Variants in TAOK3 observed in about 807,000 individuals in gnomAD.
The protein encoded by TAOK3 is TAO kinase 3, also known as serine/threonine-protein kinase TAO3.
TAOK3 carries 40 observed loss-of-function variants against 120.4 expected under a neutral mutation model. That is an observed-to-expected ratio of 0.33 (90% confidence interval 0.26 to 0.43). TAOK3 has a LOEUF of 0.43. Among genes scored for constraint, TAOK3 ranks in the 20% least tolerant of loss-of-function variants. The pLI is 1.00. For synonymous variants in TAOK3, 355 were observed against 387.5 expected (o/e 0.92, Z 0.99); for missense variants, 821 against 1,112.1 (o/e 0.74, Z 3.72).
At chr12:118,189,172 G>A (rs2037263889) in intron 14 of TAOK3, among the ~76,000 whole-genome samples, 1 of 152,182 alleles carries the variant, frequency 6.6e-6, no homozygotes. Context: ...GGGGTTAAAT[G>A]GGGAAGTGCA....
chr12:118,359,090 C>T (rs779473303), intron 1 of TAOK3: 10 of 152,156 alleles, frequency 6.6e-5, no homozygotes, highest in Non-Finnish European at 1.5e-4. Context: ...TATAAGAACA[C>T]CCCAGGCTAT....
chr12:118,354,925 G>A (rs11068919), intron 1 of TAOK3, among the ~76,000 whole-genome samples: 28,247 of 151,714 alleles, frequency 0.19, 2,619 homozygotes, highest in East Asian at 0.25. Context: ...TCCTGTCTCT[G>A]CAATTTTTTT....
intron 9 of TAOK3, among the ~76,000 whole-genome samples, chr12:118,216,893 C>A (rs1307127338): frequency 2.1e-5 from 3 of 141,740 alleles, no homozygotes; most frequent in Non-Finnish European, 4.5e-5. Flanking sequence ...CGTGCCACTG[C>A]ACTCCAGCCT....
intron 9 of TAOK3, among the ~76,000 whole-genome samples, chr12:118,220,275 T>A (rs996421107): frequency 6.6e-6 from 1 of 152,168 alleles, no homozygotes; most frequent in Non-Finnish European, 1.5e-5. Context: ...TCTATCATGT[T>A]CATCTCTGCA....
chr12:118,354,342 G>A (rs2045305573), intron 1 of TAOK3, among the ~76,000 whole-genome samples: 1 of 152,164 alleles, frequency 6.6e-6, no homozygotes, highest in African/African-American at 2.4e-5. Flanking sequence ...CAGCTACTAA[G>A]TGACGAATAG....
chr12:118,269,383 CTT>C (rs1174725563), intron 1 of TAOK3, among the ~76,000 whole-genome samples: 18,329 of 102,468 alleles, frequency 0.18, 795 homozygotes, highest in African/African-American at 0.27. Flanking sequence ...TCTCTCTCTT[CTT>C]TTTTTTTTTT....
At chr12:118,364,355 T>G (rs2045687380) in intron 1 of TAOK3, among the ~76,000 whole-genome samples, 1 of 152,094 alleles carries the variant, frequency 6.6e-6, no homozygotes, top group East Asian at 1.9e-4. Flanking sequence ...ATTAAGGCCC[T>G]CGTAAGATCC....
At chr12:118,251,912 C>T (rs573171931) in intron 3 of TAOK3, among the ~76,000 whole-genome samples, 1 of 152,012 alleles carries the variant, frequency 6.6e-6, no homozygotes, top group East Asian at 1.9e-4. Flanking sequence ...AGCTCCACCT[C>T]CCGGGTTCAT....
chr12:118,267,311 G>A (rs947461491), intron 1 of TAOK3, among the ~76,000 whole-genome samples: 7 of 151,682 alleles, frequency 4.6e-5, no homozygotes, highest in African/African-American at 1.7e-4. Context: ...TACCTCCCAG[G>A]TTCAAGCAAT....
At chr12:118,269,600 C>A (rs988440507) in intron 1 of TAOK3, among the ~76,000 whole-genome samples, 1 of 152,024 alleles carries the variant, frequency 6.6e-6, no homozygotes, top group African/African-American at 2.4e-5. Context: ...AAACTCCTGA[C>A]TTGCGATGAT....
At chr12:118,290,986 G>T (rs1188682020) in intron 1 of TAOK3, among the ~76,000 whole-genome samples, 9 of 150,792 alleles carry the variant, frequency 6.0e-5, no homozygotes, top group Admixed American at 5.3e-4. Flanking sequence ...CTCTCGAGTA[G>T]CTGGGATTAC....
chr12:118,291,512 A>T (rs1273186997), intron 1 of TAOK3, among the ~76,000 whole-genome samples: 1 of 152,162 alleles, frequency 6.6e-6, no homozygotes, highest in Non-Finnish European at 1.5e-5. Context: ...TAAAGCAAGT[A>T]ACCATTACTA....
intron 19 of TAOK3, among the ~76,000 whole-genome samples, chr12:118,153,127 C>G (rs1362495805): frequency 3.3e-5 from 5 of 152,190 alleles, no homozygotes; most frequent in African/African-American, 1.2e-4. Flanking sequence ...AAAATCTCTT[C>G]CCTGGCTGGT....
intron 9 of TAOK3, among the ~76,000 whole-genome samples, chr12:118,221,524 G>A (rs767700751): frequency 1.3e-5 from 2 of 152,058 alleles, no homozygotes; most frequent in Admixed American, 6.6e-5. Flanking sequence ...ATGAGCCACC[G>A]TGCCCAGCAA....
intron 11 of TAOK3, among the ~76,000 whole-genome samples, chr12:118,203,528 A>G (rs1007595208): frequency 6.6e-6 from 1 of 152,000 alleles, no homozygotes; most frequent in African/African-American, 2.4e-5. Flanking sequence ...AACATGGTGA[A>G]ACCCTTTCTC....
intron 1 of TAOK3, among the ~76,000 whole-genome samples, chr12:118,347,710 C>T (rs1439513022): frequency 2.0e-5 from 3 of 152,208 alleles, no homozygotes; most frequent in Non-Finnish European, 4.4e-5. Context: ...CCCCTCTCTA[C>T]CCTGCACTTT....
Position 118,251,431 on chromosome 12 carries a change from G to A in TAOK3, c.120+4017C>T, listed in dbSNP as rs141950025. Among the ~76,000 whole-genome samples, 177 of 152,184 alleles carry A rather than the reference G, an allele frequency of 1.2e-3. 1 individual carries two copies. Among genetic ancestry groups the A allele is most frequent in the African/African-American group, 3.9e-3 (161 of 41,524 alleles). ...TTAATCTGTTTTTTAGTGCTTTATG[G>A]GTGTACATAGGCCTGTACTTTTCAC... On this transcript the variant is annotated intron_variant, in intron 3 of 20. Coordinates refer to ENST00000392533, the MANE Select transcript of TAOK3 (RefSeq NM_016281.4).
chr12:118,282,162 A>G (rs1416338221), intron 1 of TAOK3, among the ~76,000 whole-genome samples: 1 of 152,228 alleles, frequency 6.6e-6, no homozygotes, highest in South Asian at 2.1e-4. Context: ...GAATTCTAAA[A>G]GTTCTTCTTA....
At chr12:118,332,746 A>G (rs1325458501) in intron 1 of TAOK3, among the ~76,000 whole-genome samples, 2 of 152,242 alleles carry the variant, frequency 1.3e-5, no homozygotes, top group South Asian at 2.1e-4. Flanking sequence ...AGTAGATCAC[A>G]TAATCAACTT....
Sources: gnomAD v4.1 joint callset for allele counts (sites outside exome capture counted in the v4.1 genomes callset) on GRCh38, gnomAD v4.1.1 for gene constraint, MANE v1.5 for transcripts, NCBI Gene and HGNC (gene_info 2026-07-23, HGNC 2026-07-21) for gene names.